The following FRY variants were observed in gnomAD, a reference collection of about 807,000 sequenced individuals.
The protein encoded by FRY is protein furry homolog.
Under a neutral mutation model 348.4 loss-of-function variants are expected in FRY, and 128 were observed. The ratio of observed to expected loss-of-function variants is 0.37; its 90% CI spans 0.32 to 0.43. FRY has a LOEUF of 0.43. Ranked by LOEUF, FRY falls within the 20% of genes least tolerant of loss-of-function variation. The probability of loss-of-function intolerance (pLI) is 1.00; values close to 1 mark genes in which losing one functional copy is unlikely to be tolerated. For synonymous variants in FRY, 1,370 were observed against 1,374.7 expected (o/e 1.00, Z 0.08); for missense variants, 2,736 against 3,695.2 (o/e 0.74, Z 6.73).
intron 1 of FRY, among the ~76,000 whole-genome samples, chr13:32,069,883 G>GC (rs1425991657): frequency 1.3e-5 from 2 of 149,240 alleles, no homozygotes; most frequent in East Asian, 4.0e-4. Flanking sequence ...CCCCCAAGAG[G>GC]CCCCGGTGTG....
intron 2 of FRY, among the ~76,000 whole-genome samples, chr13:32,096,565 C>T (rs1381386050): frequency 1.3e-5 from 2 of 151,978 alleles, no homozygotes; most frequent in African/African-American, 2.4e-5. Flanking sequence ...CCCAGGTGGG[C>T]GGATCACCTG....
intron 55 of FRY, among the ~76,000 whole-genome samples, chr13:32,269,209 TAAG>T (rs1412005651): frequency 1.3e-5 from 2 of 152,242 alleles, no homozygotes; most frequent in East Asian, 3.8e-4. Flanking sequence ...AATGGGTTGT[TAAG>T]AAGTCTTGGG....
intron 3 of FRY, among the ~76,000 whole-genome samples, chr13:32,111,559 G>A (rs1877964955): frequency 6.6e-6 from 1 of 152,112 alleles, no homozygotes. Context: ...GGAAGCATCA[G>A]CATTGCATGG....
Position 32,237,933 on chromosome 13 carries a change from G to A in FRY, c.6365G>A (p.Ser2122Asn). 1 of 1,614,112 alleles carries A rather than the reference G, an allele frequency of 6.2e-7. No individual in the cohort carries two copies. The highest frequency in any genetic ancestry group is 1.1e-5 in the South Asian group (1 of 91,082). ...ACAGACCTGACCCTGCAGCTCTTCA[G>A]TCTGCTGACACCAGTGTCCAAAATA... is the stretch of plus-strand genomic sequence containing the variant. ...TTTDLTLQLF[S>N]LLTPVSKISM... The change falls in exon 44 of 61, where the codon AGT becomes AAT. Residue 2122 changes from serine to asparagine, a missense_variant. Ser to Asn is a conservative substitution (Grantham distance 46). Transcript: ENST00000542859. This position sits in a 1 kb window ranked among gnomAD's most constrained non-coding sequence, Gnocchi z 6.3.
At chr13:32,141,165 G>T (rs929670065) in intron 11 of FRY, among the ~76,000 whole-genome samples, 1 of 152,036 alleles carries the variant, frequency 6.6e-6, no homozygotes, top group African/African-American at 2.4e-5. Context: ...TGACAAGCAC[G>T]TTATTTTCCA....
chr13:32,202,886 T>G (rs1257262018), intron 31 of FRY, among the ~76,000 whole-genome samples: 1 of 151,654 alleles, frequency 6.6e-6, no homozygotes, highest in Non-Finnish European at 1.5e-5. Context: ...GAGGCAGAGT[T>G]TGCAGTGAGC....
chr13:32,247,970 G>A (rs1386921559), intron 48 of FRY, among the ~76,000 whole-genome samples: 2 of 152,178 alleles, frequency 1.3e-5, no homozygotes, highest in Non-Finnish European at 2.9e-5. Flanking sequence ...CTTGAAGCGG[G>A]CAGGGGAGAG....
chr13:32,180,618 CA>C (rs900995034), intron 23 of FRY, among the ~76,000 whole-genome samples: 2 of 152,140 alleles, frequency 1.3e-5, no homozygotes, highest in Non-Finnish European at 2.9e-5. Context: ...TTCACATTTG[CA>C]ATCAAATAAT....
chr13:32,279,390 A>T (rs1166413791), intron 58 of FRY, among the ~76,000 whole-genome samples: 1 of 152,256 alleles, frequency 6.6e-6, no homozygotes, highest in Non-Finnish European at 1.5e-5. Context: ...AGGAGAGCCC[A>T]TGTGGCTGAA....
chr13:32,053,274 T>C (rs570934326), intron 1 of FRY, among the ~76,000 whole-genome samples: 1 of 152,322 alleles, frequency 6.6e-6, no homozygotes, highest in South Asian at 2.1e-4. Context: ...TTTTATAATA[T>C]AAAATAATGA....
chr13:32,124,752 G>A (rs1438984209), intron 6 of FRY, 43 bp from the exon 7 acceptor site: 40 of 1,542,520 alleles, frequency 2.6e-5, no homozygotes, highest in South Asian at 3.3e-5. Context: ...GCTTTTTTCC[G>A]ATGACCAGGG....
intron 55 of FRY, among the ~76,000 whole-genome samples, chr13:32,268,927 T>C (rs1345029976): frequency 1.3e-5 from 2 of 152,166 alleles, no homozygotes; most frequent in Admixed American, 1.3e-4. Flanking sequence ...CCACGGATAA[T>C]GCAAAGGAAA....
At chr13:32,073,543 G>C (rs971210434) in intron 1 of FRY, among the ~76,000 whole-genome samples, 1 of 151,664 alleles carries the variant, frequency 6.6e-6, no homozygotes, top group Non-Finnish European at 1.5e-5. Context: ...GTATGTGGGC[G>C]GGTGTGTGTG....
chr13:32,131,642 T>A (rs756537375), intron 7 of FRY, 30 bp from the exon 8 acceptor site: 5 of 1,580,950 alleles, frequency 3.2e-6, no homozygotes, highest in Non-Finnish European at 4.3e-6. Flanking sequence ...CTACCCAATA[T>A]TTGATAAACC....
chr13:32,176,312 T>C (rs1420613219), intron 20 of FRY, among the ~76,000 whole-genome samples: 1 of 152,216 alleles, frequency 6.6e-6, no homozygotes, highest in Non-Finnish European at 1.5e-5. Flanking sequence ...CTGGATTAAT[T>C]TGGGCTAAAT....
At chr13:32,082,991 T>TTGGAAAAAAAAC (rs2138548579) in intron 2 of FRY, among the ~76,000 whole-genome samples, 1 of 152,284 alleles carries the variant, frequency 6.6e-6, no homozygotes, top group South Asian at 2.1e-4. Context: ...TTTCATCAAT[T>TTGGAAAAAAAAC]CTGGAAAACT....
At position 32,135,191 on chromosome 13, in the gene FRY, A is replaced by G; in HGVS notation, c.1077+8A>G. On this transcript the variant is annotated splice_region_variant and intron_variant, in intron 10 of 60. Transcript: ENST00000542859. The stretch of plus-strand genomic sequence containing the variant: ...CGAAAGAAGCATTCCTTGGTTAGTA[A>G]CTATGAGAAAATCGAAAACACAAAC... 6.5e-7 allele frequency: 1 copy of G among 1,548,860 alleles called. No homozygotes were observed. Among genetic ancestry groups the G allele is most frequent in the Non-Finnish European group, 8.9e-7 (1 of 1,120,538 alleles).
At chr13:32,073,557 G>A (rs928770007) in intron 1 of FRY, among the ~76,000 whole-genome samples, 2 of 152,120 alleles carry the variant, frequency 1.3e-5, no homozygotes, top group Non-Finnish European at 2.9e-5. Context: ...GTGTGTGTGT[G>A]TGTGTGTGTG....
At chr13:32,129,156 A>G (rs1448410141) in intron 7 of FRY, among the ~76,000 whole-genome samples, 1 of 152,228 alleles carries the variant, frequency 6.6e-6, no homozygotes, top group Non-Finnish European at 1.5e-5. Context: ...ACACAGAGAT[A>G]TAACTTCATT....
Sources: gnomAD v4.1 joint callset for allele counts (sites outside exome capture counted in the v4.1 genomes callset) on GRCh38, gnomAD v4.1.1 for gene constraint, Gnocchi (gnomAD v3.1) non-coding constraint, MANE v1.5 for transcripts, NCBI Gene and HGNC (gene_info 2026-07-23, HGNC 2026-07-21) for gene names.